PDZRN4: variants seen among roughly 807,000 people sequenced by gnomAD.
PDZRN4 encodes the protein PDZ domain containing ring finger 4, also known as PDZ domain-containing RING finger protein 4.
Under a neutral mutation model 99.0 loss-of-function variants are expected in PDZRN4, and 70 were observed. The ratio of observed to expected loss-of-function variants is 0.71; its 90% CI spans 0.58 to 0.86. The LOEUF (loss-of-function observed/expected upper bound fraction) is 0.86. PDZRN4 is among the 40% of genes least tolerant of loss of function. The pLI, the probability that PDZRN4 is intolerant of heterozygous loss-of-function variation, is 0.00. For missense variants in PDZRN4, 1,474 were observed against 1,331.2 expected (o/e 1.11, Z -1.67); for synonymous variants, 551 against 501.6 (o/e 1.10, Z -1.32).
chr12:41,533,332 A>G (rs1416310787), intron 5 of PDZRN4, among the ~76,000 whole-genome samples: 1 of 151,536 alleles, frequency 6.6e-6, no homozygotes, highest in African/African-American at 2.4e-5. Flanking sequence ...GTGCCACCAC[A>G]CCTGGCTACT....
At chr12:41,434,775 A>G (rs1429685392) in intron 3 of PDZRN4, among the ~76,000 whole-genome samples, 1 of 152,180 alleles carries the variant, frequency 6.6e-6, no homozygotes, top group Non-Finnish European at 1.5e-5. Context: ...TTTATTTTCT[A>G]AGGATACTTG....
intron 3 of PDZRN4, among the ~76,000 whole-genome samples, chr12:41,198,796 T>A (rs1377996396): frequency 6.6e-6 from 1 of 152,112 alleles, no homozygotes; most frequent in East Asian, 1.9e-4. Context: ...AGTTCCCACA[T>A]TGAAGTGTCA....
chr12:41,307,610 ATTTT>A (rs10542756), intron 3 of PDZRN4, among the ~76,000 whole-genome samples: 4 of 147,182 alleles, frequency 2.7e-5, no homozygotes, highest in African/African-American at 2.5e-5. Flanking sequence ...GGAGAGCCAG[ATTTT>A]TTTTTTTTTT....
intron 3 of PDZRN4, among the ~76,000 whole-genome samples, chr12:41,275,439 C>T (rs1951344448): frequency 6.6e-6 from 1 of 151,952 alleles, no homozygotes; most frequent in African/African-American, 2.4e-5. Context: ...AGTTCTTTCC[C>T]ATTAAGTGAT....
chr12:41,567,089 C>A (rs1939386018), intron 8 of PDZRN4, among the ~76,000 whole-genome samples: 1 of 152,162 alleles, frequency 6.6e-6, no homozygotes. Context: ...ACCCTGCATG[C>A]CCCACACCAC....
intron 7 of PDZRN4, among the ~76,000 whole-genome samples, chr12:41,563,105 T>C (rs577801635): frequency 6.6e-6 from 1 of 152,280 alleles, no homozygotes; most frequent in African/African-American, 2.4e-5. Flanking sequence ...GAGCATTGCC[T>C]GGTGAGAGAT....
intron 3 of PDZRN4, among the ~76,000 whole-genome samples, chr12:41,483,233 T>C (rs1367638260): frequency 6.6e-6 from 1 of 152,172 alleles, no homozygotes; most frequent in Non-Finnish European, 1.5e-5. Context: ...TTTTTCAATT[T>C]CCTTTTTTAA....
chr12:41,244,033 G>A (rs932256400), intron 3 of PDZRN4, among the ~76,000 whole-genome samples: 11 of 152,134 alleles, frequency 7.2e-5, no homozygotes, highest in Non-Finnish European at 1.3e-4. Context: ...TATTTTATGT[G>A]TAGGTCTGAC....
intron 3 of PDZRN4, among the ~76,000 whole-genome samples, chr12:41,408,766 C>CTCTG (rs1432447744): frequency 1.3e-5 from 2 of 151,306 alleles, no homozygotes; most frequent in Non-Finnish European, 2.9e-5. Context: ...ATTTCTCTCT[C>CTCTG]TCTCTCTCTC....
chr12:41,282,426 G>C (rs886709051), intron 3 of PDZRN4, among the ~76,000 whole-genome samples: 1 of 152,126 alleles, frequency 6.6e-6, no homozygotes, highest in African/African-American at 2.4e-5. Context: ...AATAGGGGGA[G>C]ATTTTAACAC....
chr12:41,436,618 G>A (rs1952631734), intron 3 of PDZRN4, among the ~76,000 whole-genome samples: 1 of 152,150 alleles, frequency 6.6e-6, no homozygotes, highest in Non-Finnish European at 1.5e-5. Context: ...ATTAGCAGAG[G>A]GTGTGGATAA....
At chr12:41,469,391 G>A (rs139225892) in intron 3 of PDZRN4, among the ~76,000 whole-genome samples, 171 of 152,216 alleles carry the variant, frequency 1.1e-3, no homozygotes, top group African/African-American at 4.0e-3. Flanking sequence ...ATCTTACCTT[G>A]TATGTATACA....
chr12:41,444,288 C>A (rs1952704942), intron 3 of PDZRN4, among the ~76,000 whole-genome samples: 1 of 152,072 alleles, frequency 6.6e-6, no homozygotes, highest in Non-Finnish European at 1.5e-5. Flanking sequence ...CGTCATTCCC[C>A]TCCCTGGGAG....
chr12:41,246,032 T>C (rs543405214), intron 3 of PDZRN4, among the ~76,000 whole-genome samples: 2 of 152,246 alleles, frequency 1.3e-5, no homozygotes, highest in East Asian at 3.9e-4. Flanking sequence ...TTTTAAGTCT[T>C]CAAAATTTAG....
chr12:41,357,044 A>AT (rs1023893942), intron 3 of PDZRN4, among the ~76,000 whole-genome samples: 3 of 151,872 alleles, frequency 2.0e-5, no homozygotes, highest in African/African-American at 4.8e-5. Flanking sequence ...AAGGTTTTTA[A>AT]TTTTTTTATG....
intron 7 of PDZRN4, among the ~76,000 whole-genome samples, chr12:41,559,209 G>A (rs933943382): frequency 6.6e-6 from 1 of 151,016 alleles, no homozygotes; most frequent in African/African-American, 2.4e-5. Flanking sequence ...ACACACACGT[G>A]CTGTCACACA....
At chr12:41,304,579 C>CCTTAAGAAGTTTCTTCAA (rs1951557467) in intron 3 of PDZRN4, among the ~76,000 whole-genome samples, 1 of 152,140 alleles carries the variant, frequency 6.6e-6, no homozygotes, top group Admixed American at 6.6e-5. Flanking sequence ...TTCTTCAACG[C>CCTTAAGAAGTTTCTTCAA]CTTCTTAAGA....
At chr12:41,452,579 T>C (rs1465976500) in intron 3 of PDZRN4, among the ~76,000 whole-genome samples, 9 of 152,304 alleles carry the variant, frequency 5.9e-5, no homozygotes, top group African/African-American at 1.9e-4. Context: ...TGCTCCTGAA[T>C]ATGTTGCTAC....
intron 3 of PDZRN4, among the ~76,000 whole-genome samples, chr12:41,458,114 AC>A (rs1302458506): frequency 6.6e-6 from 1 of 152,152 alleles, no homozygotes; most frequent in African/African-American, 2.4e-5. Flanking sequence ...GAGAGTCTGA[AC>A]CTGGGAAATC....
Sources: gnomAD v4.1 joint callset for allele counts (sites outside exome capture counted in the v4.1 genomes callset) on GRCh38, gnomAD v4.1.1 for gene constraint, MANE v1.5 for transcripts, NCBI Gene and HGNC (gene_info 2026-07-23, HGNC 2026-07-21) for gene names.